Variants in ZNF423 observed in about 807,000 individuals in gnomAD.
ZNF423 encodes zinc finger protein 423.
Under a neutral mutation model 95.8 loss-of-function variants are expected in ZNF423, and 12 were observed. The observed-to-expected ratio is 0.13, with a 90% CI of 0.08 to 0.20. ZNF423 has a LOEUF of 0.20. Among genes scored for constraint, ZNF423 ranks in the 10% least tolerant of loss-of-function variants. The pLI, the probability that ZNF423 is intolerant of heterozygous loss-of-function variation, is 1.00. For missense variants in ZNF423, 1,316 were observed against 1,737.1 expected (o/e 0.76, Z 4.31); for synonymous variants, 749 against 711.9 (o/e 1.05, Z -0.83).
intron 3 of ZNF423, among the ~76,000 whole-genome samples, chr16:49,722,105 G>A (rs1453174496): frequency 5.3e-5 from 8 of 152,138 alleles, no homozygotes; most frequent in Non-Finnish European, 1.0e-4. Context: ...ACAGCTGTCT[G>A]AGCCAAGACT....
chr16:49,612,244 T>C (rs1971747216), intron 5 of ZNF423, among the ~76,000 whole-genome samples: 1 of 151,956 alleles, frequency 6.6e-6, no homozygotes, highest in Non-Finnish European at 1.5e-5. Context: ...GACGAAGTAT[T>C]AGCAAATAGC....
intron 1 of ZNF423, among the ~76,000 whole-genome samples, chr16:49,816,301 C>T (rs886301525): frequency 6.6e-6 from 1 of 152,128 alleles, no homozygotes; most frequent in Non-Finnish European, 1.5e-5. Context: ...CAGACTGCAA[C>T]CTTCCCCCAG....
intron 1 of ZNF423, among the ~76,000 whole-genome samples, chr16:49,799,427 C>A (rs2034548115): frequency 6.6e-6 from 1 of 152,070 alleles, no homozygotes; most frequent in East Asian, 1.9e-4. Context: ...CCGCCCCACC[C>A]ACAGGAATGC....
intron 3 of ZNF423, among the ~76,000 whole-genome samples, chr16:49,702,830 A>G (rs114285693): frequency 0.011 from 1,711 of 152,132 alleles, 26 homozygotes; most frequent in African/African-American, 0.04. Flanking sequence ...CCAAGCTCTC[A>G]TCTCCAAAGG....
Position 49,638,801 on chromosome 16 carries a change from C to T in ZNF423, c.375G>A (p.Gln125=). The change falls in exon 4 of 8, where the codon CAG becomes CAA. Residue 125 remains glutamine, a synonymous_variant. Coordinates refer to ENST00000563137, the MANE Select transcript of ZNF423 (RefSeq NM_001379286.1). The surrounding 1 kb of genome is among the most constrained non-coding windows in gnomAD (Gnocchi z 5.6). ...CGAGGTCACAACCATCTCCGATCAT[C>T]TGCGTGGGTGACGCAACATCCTTGC... ...PSSKDVASPT[Q]MIGDGCDLGL... 6.2e-7 allele frequency: 1 copy of T among 1,614,124 alleles called. No individual in the cohort carries two copies. The highest frequency in any genetic ancestry group is 1.3e-5 in the African/African-American group (1 of 75,062).
At chr16:49,811,755 C>A (rs963618301) in intron 1 of ZNF423, among the ~76,000 whole-genome samples, 1 of 151,152 alleles carries the variant, frequency 6.6e-6, no homozygotes, top group East Asian at 2.0e-4. Context: ...CTCCTACCCC[C>A]ACCCCCGCCC....
At chr16:49,745,952 G>A (rs946439270) in intron 2 of ZNF423, among the ~76,000 whole-genome samples, 3 of 152,076 alleles carry the variant, frequency 2.0e-5, no homozygotes, top group South Asian at 2.1e-4. Context: ...TGGGATCTGC[G>A]CCCCAACACC....
At chr16:49,682,515 G>C (rs1296312367) in intron 3 of ZNF423, among the ~76,000 whole-genome samples, 1 of 152,224 alleles carries the variant, frequency 6.6e-6, no homozygotes, top group Admixed American at 6.5e-5. Context: ...TCCCTCTGCA[G>C]CAACTGTCCT....
intron 3 of ZNF423, among the ~76,000 whole-genome samples, chr16:49,647,783 C>G (rs35078719): frequency 0.21 from 32,030 of 152,154 alleles, 3,527 homozygotes; most frequent in Admixed American, 0.25. Flanking sequence ...CTACAGAACT[C>G]TAAGATACTA....
At chr16:49,689,942 C>G (rs1245146794) in intron 3 of ZNF423, among the ~76,000 whole-genome samples, 1 of 152,206 alleles carries the variant, frequency 6.6e-6, no homozygotes, top group East Asian at 1.9e-4. Context: ...AGGACACTCT[C>G]CCAGGTCCAC....
At chr16:49,686,282 T>A (rs189463861) in intron 3 of ZNF423, among the ~76,000 whole-genome samples, 200 of 152,140 alleles carry the variant, frequency 1.3e-3, no homozygotes, top group Admixed American at 2.0e-3. Context: ...GCTGCTTGAG[T>A]CTCGGGTAGG....
chr16:49,539,663 C>T (rs1040046851), intron 5 of ZNF423, among the ~76,000 whole-genome samples: 1 of 152,162 alleles, frequency 6.6e-6, no homozygotes, highest in African/African-American at 2.4e-5. Context: ...AGGCACTGTG[C>T]AAGGTGGTGG....
chr16:49,809,415 G>A (rs1459852359), intron 1 of ZNF423, among the ~76,000 whole-genome samples: 4 of 152,212 alleles, frequency 2.6e-5, no homozygotes, highest in Non-Finnish European at 4.4e-5. Context: ...TCCAGCGGGC[G>A]GCAGCAGGTT....
intron 6 of ZNF423, 82 bp from the exon 7 acceptor site, chr16:49,523,821 G>T: frequency 8.9e-7 from 1 of 1,127,306 alleles, no homozygotes; most frequent in Non-Finnish European, 1.3e-6. Context: ...AACACTCGCA[G>T]GCAGGGATCA....
rs1055180276 is a variant in ZNF423, at chr16:49,855,229, A to T, written c.40+506T>A. 7.1e-6 allele frequency among the ~76,000 whole-genome samples: 1 copy of T among 139,894 alleles called. No homozygotes were observed. Among genetic ancestry groups the T allele is most frequent in the Non-Finnish European group, 1.6e-5 (1 of 62,226 alleles). 91.8% of individuals were successfully genotyped at this position (139,894 alleles called of 152,430 possible). On this transcript the variant is annotated intron_variant, in intron 1 of 7. Coordinates refer to ENST00000563137, the MANE Select transcript of ZNF423 (RefSeq NM_001379286.1). This position sits in a 1 kb window ranked among gnomAD's most constrained non-coding sequence, Gnocchi z 4.7. ...CCGCTCCCCGCGTCCTCGGGCGACC[A>T]GGCAGGGGCCAGAGAGAGCCAGCGA...
At position 49,597,330 on chromosome 16, in the gene ZNF423, C is replaced by A. The variant is rs538701214; in HGVS notation, c.3601+28840G>T. Among the ~76,000 whole-genome samples, 14 of 152,260 alleles carry A rather than the reference C, an allele frequency of 9.2e-5. No individual in the cohort carries two copies. The East Asian group carries it at 1.5e-3, about 17-fold the overall frequency. On this transcript the variant is annotated intron_variant, in intron 5 of 7. Coordinates refer to ENST00000563137, the MANE Select transcript of ZNF423 (RefSeq NM_001379286.1). Reference sequence around the variant, plus strand: ...CTAGCCACATGTGACTACTGAGCAACTGAAATGGGGTGGGTCTACCCTGAG... The same window carrying A: ...CTAGCCACATGTGACTACTGAGCAAATGAAATGGGGTGGGTCTACCCTGAG...
At chr16:49,618,853 A>G (rs1971965310) in intron 5 of ZNF423, among the ~76,000 whole-genome samples, 1 of 152,012 alleles carries the variant, frequency 6.6e-6, no homozygotes, top group Admixed American at 6.6e-5. Flanking sequence ...TGTCCACTCA[A>G]TAAGCAAATC....
At chr16:49,804,891 CTTTTTTTTTTTT>C (rs754687457) in intron 1 of ZNF423, among the ~76,000 whole-genome samples, 4 of 95,906 alleles carry the variant, frequency 4.2e-5, no homozygotes, top group Non-Finnish European at 8.0e-5. Flanking sequence ...GATCCCACAG[CTTTTTTTTTTTT>C]TTTTTTTTTT....
intron 5 of ZNF423, among the ~76,000 whole-genome samples, chr16:49,562,362 G>A (rs911279810): frequency 3.9e-5 from 6 of 152,198 alleles, no homozygotes; most frequent in African/African-American, 1.4e-4. Flanking sequence ...CTGTAAAATG[G>A]AGGCAAAATA....
Sources: allele counts gnomAD v4.1 joint callset (sites outside exome capture counted in the v4.1 genomes callset), GRCh38; gene constraint gnomAD v4.1.1; non-coding constraint Gnocchi (gnomAD v3.1); transcripts MANE v1.5; gene names NCBI Gene and HGNC (gene_info 2026-07-23, HGNC 2026-07-21).